Variants in CELA3A observed in about 807,000 individuals in gnomAD.
The protein encoded by CELA3A is chymotrypsin like elastase 3A, also known as chymotrypsin-like elastase family member 3A.
In CELA3A, 35 loss-of-function variants were observed where a neutral mutation model predicts 38.6. The observed-to-expected ratio is 0.91, with a 90% confidence interval of 0.69 to 1.20. The LOEUF is 1.20. Ranked by LOEUF, CELA3A falls within the 50% of genes most tolerant of loss-of-function variation. CELA3A has a pLI of 0.00. For missense variants in CELA3A, 343 were observed against 354.2 expected, an observed-to-expected ratio of 0.97 and a Z score of 0.25; for synonymous variants, 143 against 136.7, an observed-to-expected ratio of 1.05 and a Z score of -0.32.
Position 22,012,442 on chromosome 1 carries a change from T to A in CELA3A, c.796-8T>A. The A allele has an allele frequency of 7.9e-7, 1 of 1,268,850 alleles. No individual in the cohort carries two copies. Among genetic ancestry groups the A allele is most frequent in the Non-Finnish European group, 1.1e-6 (1 of 936,052 alleles). 78.6% of individuals were successfully genotyped at this position (1,268,850 alleles called of 1,614,324 possible). ...TGACTATTCTGTCTGCCCCCCCAAC[T>A]TTTCCAGACCATAGCAAGCCACTAG... is the stretch of plus-strand genomic sequence containing the variant. On this transcript the variant is annotated splice_region_variant and splice_polypyrimidine_tract_variant and intron_variant, in intron 7 of 7. Coordinates refer to ENST00000290122, the MANE Select transcript of CELA3A (RefSeq NM_005747.5).
rs1034312746 is a variant in CELA3A at position 22,007,140 on chromosome 1, C to T, written c.499+126C>T. 4.1e-6 allele frequency: 6 copies of T among 1,456,338 alleles called. No homozygotes were observed. The African/African-American group carries it at 4.3e-5, about 10-fold the overall frequency. 90.2% of individuals were successfully genotyped at this position (1,456,338 alleles called of 1,614,324 possible). A position where few individuals can be genotyped will look rare whatever the true frequency, so the allele number is the denominator to read the frequency against. On this transcript the variant is annotated intron_variant, in intron 5 of 7. Transcript: ENST00000290122. ...TTCTCCCATTTCTCTCCAGCTGCAGCCTTCTTCCATCAACCTCCAAAACAC... is the reference window on the plus strand; with the variant it reads ...TTCTCCCATTTCTCTCCAGCTGCAGTCTTCTTCCATCAACCTCCAAAACAC...
In CELA3A at chr1:22,009,826, G is replaced by C; in HGVS notation, c.764G>C (p.Arg255Pro). The change falls in exon 7 of 8, where the codon CGA becomes CCA. Residue 255 changes from arginine (R) to proline (P), a missense_variant. Physicochemically the swap from Arg to Pro is moderately radical, Grantham distance 103. Coordinates refer to ENST00000290122, the MANE Select transcript of CELA3A (RefSeq NM_005747.5). ...NFIWKPTVFTRVSAFIDWIEE... is the reference protein window; with the variant it reads ...NFIWKPTVFTPVSAFIDWIEE... ...ATCTGGAAGCCCACGGTGTTCACTC[G>C]AGTCTCCGCCTTCATCGACTGGATT... 4 of 1,612,676 alleles carry C rather than the reference G, an allele frequency of 2.5e-6. No individual in the cohort carries two copies. The highest frequency in any genetic ancestry group is 1.1e-5 in the South Asian group (1 of 91,026).
chr1:22,011,424 A>G (rs1301803235), intron 7 of CELA3A, among the ~76,000 whole-genome samples: 2 of 137,306 alleles, frequency 1.5e-5, no homozygotes, highest in Admixed American at 1.5e-4. Flanking sequence ...GTGATGATTT[A>G]TAGACCATTT....
At chr1:22,002,826 A>G (rs1644926327) in intron 1 of CELA3A, among the ~76,000 whole-genome samples, 177 bp from the exon 2 acceptor site, 2 of 151,350 alleles carry the variant, frequency 1.3e-5, no homozygotes, top group South Asian at 4.1e-4. Flanking sequence ...GATTCTGGAA[A>G]GCCCTGCTCT....
intron 5 of CELA3A, 91 bp from the exon 6 acceptor site, chr1:22,007,282 A>G: frequency 6.6e-7 from 1 of 1,507,986 alleles, no homozygotes. Context: ...TCATCAGGGC[A>G]GAAGAACTGT....
intron 6 of CELA3A, among the ~76,000 whole-genome samples, chr1:22,008,881 G>A (rs529739952): frequency 4.6e-5 from 7 of 152,082 alleles, no homozygotes; most frequent in African/African-American, 7.3e-5. Context: ...ACTGGATATC[G>A]TGCTAAGATC....
rs768509851 is a variant in CELA3A at position 22,002,349 on chromosome 1, C to G, written c.43+632C>G. Among the ~76,000 whole-genome samples the G allele has an allele frequency of 2.0e-5, 3 of 150,856 alleles. 1 individual carries two copies. Among genetic ancestry groups the G allele is most frequent in the African/African-American group, 7.4e-5 (3 of 40,512 alleles). On this transcript the variant is annotated intron_variant, in intron 1 of 7. Coordinates refer to ENST00000290122, the MANE Select transcript of CELA3A (RefSeq NM_005747.5). ...TCATAGAACAAAAGGCAGAGCTGCA[C>G]TTAATGTTTTTATTTTTTGCTTTTT...
intron 4 of CELA3A, among the ~76,000 whole-genome samples, chr1:22,006,600 T>C (rs1373571927): frequency 6.7e-6 from 1 of 150,314 alleles, no homozygotes; most frequent in Admixed American, 6.6e-5. Context: ...GGCTCATGCC[T>C]GTAATTCCAG....
chr1:22,007,583 T>G (rs1028932875), intron 6 of CELA3A, 68 bp downstream of exon 6: 1 of 1,543,216 alleles, frequency 6.5e-7, no homozygotes, highest in Non-Finnish European at 8.8e-7. Flanking sequence ...GCCAACTGCC[T>G]GGAAGGTGGA....
In CELA3A at chr1:22,003,095, G is replaced by A; in HGVS notation, c.129+7G>A. 3.8e-6 allele frequency: 6 copies of A among 1,576,942 alleles called. No individual in the cohort carries two copies. Among genetic ancestry groups the A allele is most frequent in the Non-Finnish European group, 5.1e-6 (6 of 1,166,230 alleles). On this transcript the variant is annotated splice_region_variant and intron_variant, in intron 2 of 7. Transcript: ENST00000290122. ...CTACAGCTGGCCCTGGCAGGTAAGA[G>A]CAATAGCAGCTGCCCTCATTCCCAC... is the stretch of plus-strand genomic sequence containing the variant.
In CELA3A at chr1:22,006,981, C is replaced by A. The variant is rs1210732517; in HGVS notation, c.466C>A (p.Pro156Thr). 26 of 1,612,424 alleles carry A rather than the reference C, an allele frequency of 1.6e-5. No individual in the cohort carries two copies. The highest frequency in any genetic ancestry group is 1.9e-5 in the Non-Finnish European group (22 of 1,179,480). Residue 156 changes from proline (P) to threonine (T), a missense_variant, in exon 5 of 8, where the codon CCC becomes ACC. Pro to Thr is a conservative substitution (Grantham distance 38, BLOSUM62 -1). Coordinates refer to ENST00000290122, the MANE Select transcript of CELA3A (RefSeq NM_005747.5). ...TGGTGACATCCTTCCCAACAAGACA[C>A]CCTGCTACATCACCGGCTGGGGCCG... ...PAGDILPNKT[P>T]CYITGWGRLY...
chr1:22,009,654 C>T, intron 6 of CELA3A, 51 bp from the exon 7 acceptor site: 1 of 1,590,958 alleles, frequency 6.3e-7, no homozygotes. Context: ...AGAACCAGTT[C>T]CGTAAACCTC....
At chr1:22,008,631 C>T (rs867202579) in intron 6 of CELA3A, among the ~76,000 whole-genome samples, 11 of 150,346 alleles carry the variant, frequency 7.3e-5, no homozygotes, top group South Asian at 6.3e-4. Flanking sequence ...TGGTGGTGGG[C>T]GCCTGTAGTC....
At chr1:22,007,610 C>T (rs1644959363) in intron 6 of CELA3A, 95 bp downstream of exon 6, 17 of 1,507,972 alleles carry the variant, frequency 1.1e-5, no homozygotes, top group Admixed American at 4.0e-5. Context: ...ATCTTGCCTG[C>T]TTGCCCCATT....
At position 22,012,054 on chromosome 1, in the gene CELA3A, A is replaced by C. The variant is rs919292884; in HGVS notation, c.796-396A>C. Among the ~76,000 whole-genome samples, 9 of 127,436 alleles carry C rather than the reference A, an allele frequency of 7.1e-5. 2 individuals carry two copies. Among genetic ancestry groups the C allele is most frequent in the Non-Finnish European group, 1.1e-4 (7 of 61,912 alleles). The allele number at this position is 127,436 out of a possible 152,430, so 83.6% of individuals were successfully genotyped here. On this transcript the variant is annotated intron_variant, in intron 7 of 7. Coordinates refer to ENST00000290122, the MANE Select transcript of CELA3A (RefSeq NM_005747.5). ...AGAGTGAGACTCTGTCTCAAAAAAA[A>C]CCAAAAAAACAAAAAAAATATAGAT...
intron 2 of CELA3A, among the ~76,000 whole-genome samples, chr1:22,003,791 T>C (rs1420326722): frequency 2.6e-5 from 4 of 150,952 alleles, no homozygotes; most frequent in African/African-American, 7.4e-5. Flanking sequence ...CTGCAAACTC[T>C]GCCACCCGGG....
intron 2 of CELA3A, among the ~76,000 whole-genome samples, chr1:22,004,296 C>CT (rs1327907372): frequency 6.6e-6 from 1 of 150,912 alleles, no homozygotes; most frequent in Non-Finnish European, 1.5e-5. Flanking sequence ...TTGCCTCGAA[C>CT]TTCTGAGCTC....
At chr1:22,009,089 G>A (rs1441976408) in intron 6 of CELA3A, among the ~76,000 whole-genome samples, 2 of 122,012 alleles carry the variant, frequency 1.6e-5, no homozygotes, top group Middle Eastern at 3.6e-3. Context: ...AATATGGCTG[G>A]GTGCAGTGAC....
intron 6 of CELA3A, among the ~76,000 whole-genome samples, chr1:22,009,274 G>A (rs1235660882): frequency 5.3e-5 from 8 of 151,490 alleles, no homozygotes; most frequent in African/African-American, 2.0e-4. Context: ...TGAGGCAGGA[G>A]AATGGCGTGA....
Sources: allele counts gnomAD v4.1 joint callset (sites outside exome capture counted in the v4.1 genomes callset), GRCh38; gene constraint gnomAD v4.1.1; transcripts MANE v1.5; gene names NCBI Gene and HGNC (gene_info 2026-07-23, HGNC 2026-07-21).